Variants in SFMBT2 observed in about 807,000 individuals in gnomAD.
The protein encoded by SFMBT2 is Scm like with four mbt domains 2.
Under a neutral mutation model 110.1 loss-of-function variants are expected in SFMBT2, and 38 were observed. The ratio of observed to expected loss-of-function variants is 0.35; its 90% CI spans 0.27 to 0.45. SFMBT2 has a LOEUF of 0.45. Among genes scored for constraint, SFMBT2 ranks in the 20% least tolerant of loss-of-function variants. The probability of loss-of-function intolerance (pLI) is 1.00; values close to 1 mark genes in which losing one functional copy is unlikely to be tolerated. For synonymous variants in SFMBT2, 425 were observed against 425.4 expected (o/e 1.00, Z 0.01); for missense variants, 1,011 against 1,094.9 (o/e 0.92, Z 1.08).
chr10:7,232,973 G>C (rs1343267488), intron 9 of SFMBT2, among the ~76,000 whole-genome samples: 2 of 152,120 alleles, frequency 1.3e-5, no homozygotes, highest in East Asian at 3.8e-4. Context: ...GATGCTCATG[G>C]TAGCCATATG....
intron 7 of SFMBT2, among the ~76,000 whole-genome samples, chr10:7,275,073 CAA>C: frequency 1.3e-5 from 2 of 152,266 alleles, no homozygotes; most frequent in African/African-American, 4.8e-5. Flanking sequence ...TGGAACGCCA[CAA>C]AGAGAGGCAC....
intron 2 of SFMBT2, among the ~76,000 whole-genome samples, chr10:7,372,018 C>A (rs922037006): frequency 1.3e-4 from 20 of 151,446 alleles, no homozygotes; most frequent in African/African-American, 4.1e-4. Flanking sequence ...CCTCCACCCC[C>A]CAGGTTCAAG....
chr10:7,357,013 C>T (rs1351045551), intron 4 of SFMBT2, among the ~76,000 whole-genome samples: 1 of 152,210 alleles, frequency 6.6e-6, no homozygotes, highest in Non-Finnish European at 1.5e-5. Context: ...ATAATCCATG[C>T]ATTTACTTCG....
chr10:7,294,901 C>T (rs544843710), intron 4 of SFMBT2, among the ~76,000 whole-genome samples: 3 of 152,284 alleles, frequency 2.0e-5, no homozygotes, highest in South Asian at 2.1e-4. Context: ...TACACTATGA[C>T]AATTCAGGTT....
intron 4 of SFMBT2, chr10:7,329,574 A>G: frequency 2.2e-6 from 2 of 908,452 alleles, no homozygotes; most frequent in Non-Finnish European, 2.6e-6. Context: ...CCAGGGGCCA[A>G]AACACCATTT....
intron 4 of SFMBT2, chr10:7,286,369 CAGA>C (rs1356945535): frequency 4.1e-6 from 4 of 970,386 alleles, no homozygotes; most frequent in African/African-American, 3.5e-5. Flanking sequence ...TATACAGTTT[CAGA>C]AGAAGAAGGA....
At chr10:7,221,254 A>G (rs1313194917) in intron 10 of SFMBT2, among the ~76,000 whole-genome samples, 1 of 152,176 alleles carries the variant, frequency 6.6e-6, no homozygotes, top group Non-Finnish European at 1.5e-5. Flanking sequence ...GGAAATGGGA[A>G]AAATATCCTT....
intron 4 of SFMBT2, among the ~76,000 whole-genome samples, chr10:7,319,538 G>A (rs1843109309): frequency 6.6e-6 from 1 of 152,194 alleles, no homozygotes; most frequent in South Asian, 2.1e-4. Context: ...CAGAGTCACA[G>A]GTATCAGTTA....
chr10:7,265,078 GT>G (rs1564411840), intron 7 of SFMBT2, among the ~76,000 whole-genome samples: 1 of 151,638 alleles, frequency 6.6e-6, no homozygotes, highest in Non-Finnish European at 1.5e-5. Flanking sequence ...TTTTTGTTTT[GT>G]TTTTTTAATG....
At chr10:7,371,791 G>A (rs1046885633) in intron 2 of SFMBT2, among the ~76,000 whole-genome samples, 2 of 152,128 alleles carry the variant, frequency 1.3e-5, no homozygotes, top group African/African-American at 4.8e-5. Flanking sequence ...CTGGCCAAGA[G>A]TAAATACTGC....
intron 9 of SFMBT2, among the ~76,000 whole-genome samples, chr10:7,236,255 C>T (rs1840250347): frequency 6.6e-6 from 1 of 152,112 alleles, no homozygotes; most frequent in Non-Finnish European, 1.5e-5. Flanking sequence ...AAATTCAACA[C>T]AATGCCGAAA....
At chr10:7,342,463 C>A (rs1205485068) in intron 4 of SFMBT2, among the ~76,000 whole-genome samples, 1 of 121,426 alleles carries the variant, frequency 8.2e-6, no homozygotes, top group Non-Finnish European at 1.6e-5. Flanking sequence ...GGCTGGAGTG[C>A]AGTGGTGCAA....
chr10:7,234,285 C>T (rs1167084652), intron 9 of SFMBT2, among the ~76,000 whole-genome samples: 1 of 152,038 alleles, frequency 6.6e-6, no homozygotes, highest in African/African-American at 2.4e-5. Flanking sequence ...GCCCTACCGC[C>T]TTCCTTATCT....
At chr10:7,263,452 G>A (rs190028806) in intron 7 of SFMBT2, among the ~76,000 whole-genome samples, 29 of 152,214 alleles carry the variant, frequency 1.9e-4, no homozygotes, top group African/African-American at 6.5e-4. Flanking sequence ...ATGTTAGCCA[G>A]GCTGGTCTCG....
intron 7 of SFMBT2, chr10:7,249,598 T>G: frequency 2.1e-6 from 2 of 970,932 alleles, no homozygotes; most frequent in Non-Finnish European, 2.4e-6. Flanking sequence ...TTCTTTTACC[T>G]GCAAATCTAA....
intron 4 of SFMBT2, among the ~76,000 whole-genome samples, chr10:7,288,093 T>C (rs1436868770): frequency 2.0e-5 from 3 of 152,230 alleles, no homozygotes; most frequent in Non-Finnish European, 4.4e-5. Flanking sequence ...TTCATACCCA[T>C]GACTTCTAGA....
At chr10:7,209,436 C>T (rs1839262075) in intron 11 of SFMBT2, among the ~76,000 whole-genome samples, 2 of 152,208 alleles carry the variant, frequency 1.3e-5, no homozygotes, top group South Asian at 4.1e-4. Flanking sequence ...TATTTTTATC[C>T]AGAACCTTCG....
At chr10:7,231,527 A>G (rs1015159571) in intron 9 of SFMBT2, among the ~76,000 whole-genome samples, 1 of 152,216 alleles carries the variant, frequency 6.6e-6, no homozygotes, top group African/African-American at 2.4e-5. Flanking sequence ...ACTTCTAATG[A>G]GCTTCAACCC....
chr10:7,318,544 T>C (rs1439080180), intron 4 of SFMBT2, among the ~76,000 whole-genome samples: 1 of 152,204 alleles, frequency 6.6e-6, no homozygotes, highest in African/African-American at 2.4e-5. Flanking sequence ...ATGAGTGAAA[T>C]AACATTTACC....
Sources: allele counts gnomAD v4.1 joint callset (sites outside exome capture counted in the v4.1 genomes callset), GRCh38; gene constraint gnomAD v4.1.1; transcripts MANE v1.5; gene names NCBI Gene and HGNC (gene_info 2026-07-23, HGNC 2026-07-21).